The following FHIT variants were observed in gnomAD, a reference collection of about 807,000 sequenced individuals.
The protein encoded by FHIT is fragile histidine triad diadenosine triphosphatase.
Under a neutral mutation model 17.9 loss-of-function variants are expected in FHIT, and 19 were observed. The ratio of observed to expected loss-of-function variants is 1.06; its 90% CI spans 0.74 to 1.56. The LOEUF is 1.56. Among genes scored for constraint, FHIT ranks in the 40% most tolerant of loss-of-function variants. The pLI, the probability that FHIT is intolerant of heterozygous loss-of-function variation, is 0.00. For synonymous variants in FHIT, 81 were observed against 69.7 expected, an observed-to-expected ratio of 1.16 and a Z score of -0.81; for missense variants, 248 against 189.2, an observed-to-expected ratio of 1.31 and a Z score of -1.82.
chr3:61,009,084 T>C (rs576248397), intron 3 of FHIT, among the ~76,000 whole-genome samples: 2 of 152,324 alleles, frequency 1.3e-5, no homozygotes, highest in South Asian at 2.1e-4. Context: ...TCACCAGTAG[T>C]ATTTAACATA....
chr3:59,858,776 T>A (rs116376744), intron 8 of FHIT, among the ~76,000 whole-genome samples: 1 of 151,992 alleles, frequency 6.6e-6, no homozygotes, highest in African/African-American at 2.4e-5. Context: ...ATATTAAGGA[T>A]AATGGGAACC....
intron 2 of FHIT, among the ~76,000 whole-genome samples, chr3:61,171,490 G>T (rs1239786592): frequency 6.6e-6 from 1 of 152,016 alleles, no homozygotes; most frequent in African/African-American, 2.4e-5. Flanking sequence ...ATATTAATTT[G>T]AAAATATACC....
intron 7 of FHIT, among the ~76,000 whole-genome samples, chr3:59,935,689 G>A (rs751208911): frequency 4.6e-5 from 7 of 151,884 alleles, no homozygotes; most frequent in Non-Finnish European, 1.0e-4. Context: ...ATGGGTGGAT[G>A]GATGAATAGA....
intron 2 of FHIT, among the ~76,000 whole-genome samples, chr3:61,055,943 A>G (rs2034202836): frequency 6.6e-6 from 1 of 152,242 alleles, no homozygotes; most frequent in Non-Finnish European, 1.5e-5. Flanking sequence ...TACGGTCTCC[A>G]TCATCTCAAG....
intron 2 of FHIT, among the ~76,000 whole-genome samples, chr3:61,103,811 G>C (rs2035908973): frequency 6.6e-6 from 1 of 151,798 alleles, no homozygotes; most frequent in African/African-American, 2.4e-5. Context: ...TTATGTAATG[G>C]CTTTCTTTGT....
In FHIT at chr3:60,068,224, G is replaced by C. The variant is rs1044174899; in HGVS notation, c.104-54072C>G. On this transcript the variant is annotated intron_variant, in intron 5 of 9. Coordinates refer to ENST00000492590, the MANE Select transcript of FHIT (RefSeq NM_002012.4). ...CACTCCAGCCTGGGCAACAGAGCGAGACTCTGCCTCAAAAAAAACAAAACA... is the reference window on the plus strand; with the variant it reads ...CACTCCAGCCTGGGCAACAGAGCGACACTCTGCCTCAAAAAAAACAAAACA... Among the ~76,000 whole-genome samples the C allele has an allele frequency of 1.1e-4, 17 of 152,090 alleles. No individual in the cohort carries two copies. In the South Asian group the frequency reaches 2.5e-3, roughly 22 times the overall value.
intron 5 of FHIT, among the ~76,000 whole-genome samples, chr3:60,251,537 A>G (rs150734666): frequency 2.6e-4 from 40 of 152,318 alleles, no homozygotes; most frequent in African/African-American, 8.7e-4. Flanking sequence ...TCCAATTCCA[A>G]AGTTTATATT....
intron 4 of FHIT, among the ~76,000 whole-genome samples, chr3:60,575,566 A>T (rs2037536602): frequency 6.6e-6 from 1 of 152,208 alleles, no homozygotes; most frequent in Admixed American, 6.6e-5. Context: ...TTTCATTTAA[A>T]AGAATGAAAG....
At chr3:60,802,365 C>T (rs1338724973) in intron 4 of FHIT, among the ~76,000 whole-genome samples, 7 of 152,180 alleles carry the variant, frequency 4.6e-5, no homozygotes, top group African/African-American at 1.7e-4. Flanking sequence ...TCACATGCAT[C>T]CCCTATCAGA....
intron 8 of FHIT, among the ~76,000 whole-genome samples, chr3:59,901,597 A>T (rs1333953406): frequency 6.6e-6 from 1 of 152,204 alleles, no homozygotes; most frequent in Non-Finnish European, 1.5e-5. Flanking sequence ...CTTATTGCTT[A>T]TTCGGATGAC....
intron 7 of FHIT, among the ~76,000 whole-genome samples, chr3:60,007,368 G>C (rs1699965722): frequency 1.3e-5 from 2 of 152,148 alleles, no homozygotes; most frequent in Non-Finnish European, 2.9e-5. Context: ...TTTTGATAGA[G>C]ATTCCAGGAA....
chr3:60,908,158 T>C (rs1175914878), intron 3 of FHIT, among the ~76,000 whole-genome samples: 1 of 152,216 alleles, frequency 6.6e-6, no homozygotes, highest in African/African-American at 2.4e-5. Context: ...ATTAGTTCTT[T>C]TTCCTGTACC....
At chr3:60,960,965 G>C (rs998362943) in intron 3 of FHIT, among the ~76,000 whole-genome samples, 2 of 152,216 alleles carry the variant, frequency 1.3e-5, no homozygotes, top group African/African-American at 4.8e-5. Context: ...GGATGGCTGG[G>C]TCAAAAGGTA....
intron 5 of FHIT, among the ~76,000 whole-genome samples, chr3:60,099,584 T>C (rs1576097650): frequency 1.3e-5 from 2 of 152,236 alleles, no homozygotes; most frequent in East Asian, 1.9e-4. Context: ...TCTCCCCAGA[T>C]CCCTTTCTGA....
chr3:59,994,299 C>G (rs1428941507), intron 7 of FHIT, among the ~76,000 whole-genome samples: 2 of 152,066 alleles, frequency 1.3e-5, no homozygotes, highest in Non-Finnish European at 2.9e-5. Flanking sequence ...TTGTAAAAAG[C>G]AGGTAACCAC....
At chr3:59,795,946 T>C (rs1464502236) in intron 8 of FHIT, among the ~76,000 whole-genome samples, 1 of 152,116 alleles carries the variant, frequency 6.6e-6, no homozygotes, top group Non-Finnish European at 1.5e-5. Context: ...TTCCTTGCTT[T>C]TGTCTCTACC....
chr3:59,772,340 C>T (rs972974935), intron 8 of FHIT, among the ~76,000 whole-genome samples: 1 of 152,222 alleles, frequency 6.6e-6, no homozygotes, highest in Non-Finnish European at 1.5e-5. Context: ...GTTTGCCTCA[C>T]CTTTTCTGAA....
At chr3:60,046,384 G>A (rs1414786934) in intron 5 of FHIT, among the ~76,000 whole-genome samples, 1 of 152,212 alleles carries the variant, frequency 6.6e-6, no homozygotes, top group Non-Finnish European at 1.5e-5. Context: ...GGAATAATCA[G>A]TAGCTGGCTG....
intron 8 of FHIT, among the ~76,000 whole-genome samples, chr3:59,910,476 C>G (rs576885757): frequency 2.6e-5 from 4 of 152,104 alleles, no homozygotes; most frequent in African/African-American, 2.4e-5. Context: ...ACATTTCCCC[C>G]CCTTCTCTTT....
Sources: allele counts gnomAD v4.1 joint callset (sites outside exome capture counted in the v4.1 genomes callset), GRCh38; gene constraint gnomAD v4.1.1; transcripts MANE v1.5; gene names NCBI Gene and HGNC (gene_info 2026-07-23, HGNC 2026-07-21).